Variants in RGS3 observed in about 807,000 individuals in gnomAD.
The protein encoded by RGS3 is regulator of G protein signaling 3.
A neutral mutation model predicts 132.6 loss-of-function variants in RGS3; 80 were observed. That is an observed-to-expected ratio of 0.60 (90% CI 0.50 to 0.73). The LOEUF is 0.73. Among genes scored for constraint, RGS3 ranks in the 30% least tolerant of loss-of-function variants. The pLI, the probability that RGS3 is intolerant of heterozygous loss-of-function variation, is 0.00. For synonymous variants in RGS3, 598 were observed against 620.6 expected (o/e 0.96, Z 0.54); for missense variants, 1,382 against 1,530.8 (o/e 0.90, Z 1.62).
At chr9:113,538,500 G>A (rs1001699225) in intron 19 of RGS3, among the ~76,000 whole-genome samples, 2 of 152,156 alleles carry the variant, frequency 1.3e-5, no homozygotes, top group African/African-American at 4.8e-5. Flanking sequence ...CTCAGAGTTT[G>A]CTGACTCTGG....
intron 7 of RGS3, among the ~76,000 whole-genome samples, chr9:113,487,313 T>A (rs949872837): frequency 1.1e-4 from 16 of 151,092 alleles, no homozygotes; most frequent in Non-Finnish European, 3.0e-5. Flanking sequence ...GGGTTTCACC[T>A]TGTTAGCCAG....
rs1283480337 is a variant in RGS3, at chr9:113,507,556, A to G, written c.1355A>G (p.His452Arg). The change falls in exon 13 of 25, where the codon CAC becomes CGC. Residue 452 changes from histidine to arginine, a missense_variant. His to Arg is a conservative substitution (Grantham distance 29). Transcript: ENST00000350696. This position sits in a 1 kb window ranked among gnomAD's most constrained non-coding sequence, Gnocchi z 5.0. ...GAGGTGGCCAAGCGCGGGGGCCAGCACACCCTGCCTGCACTGTCCCGTGCC... is the reference window on the plus strand; with the variant it reads ...GAGGTGGCCAAGCGCGGGGGCCAGCGCACCCTGCCTGCACTGTCCCGTGCC... 1.7e-5 allele frequency: 27 copies of G among 1,584,682 alleles called. 1 individual carries two copies. The highest frequency in any genetic ancestry group is 2.3e-5 in the Non-Finnish European group (27 of 1,164,838).
chr9:113,512,142 A>G (rs1831431134), intron 14 of RGS3, among the ~76,000 whole-genome samples: 1 of 152,278 alleles, frequency 6.6e-6, no homozygotes, highest in South Asian at 2.1e-4. Flanking sequence ...GAAGGAAGGA[A>G]GCTGTTCAGG....
In RGS3 at chr9:113,463,675, C is replaced by T; in HGVS notation, c.415+1474C>T. 1.2e-5 allele frequency: 17 copies of T among 1,400,718 alleles called. No homozygotes were observed. The South Asian group carries it at 2.5e-4, about 21-fold the overall frequency. 86.8% of individuals were successfully genotyped at this position (1,400,718 alleles called of 1,614,324 possible). On this transcript the variant is annotated intron_variant, in intron 3 of 24. Transcript: ENST00000350696. This position sits in a 1 kb window ranked among gnomAD's most constrained non-coding sequence, Gnocchi z 4.6. ...CCAATCAGGGCCGGGCGCGCCCTGG[C>T]CGTTCCAACGCTTGGGGCAGCCCTA...
chr9:113,565,499 G>T lies in RGS3; in HGVS notation c.2038-17951G>T, dbSNP rs1200320839. ...GTGGGAGGTGGAACCTGGTCATTTG[G>T]TTCTGCTTTTCCTAGCAGGTATCGC... On this transcript the variant is annotated intron_variant, in intron 19 of 24. Transcript: ENST00000350696. The surrounding 1 kb of genome is among the most constrained non-coding windows in gnomAD (Gnocchi z 5.7). 5.6e-6 allele frequency: 4 copies of T among 717,930 alleles called. No homozygotes were observed. Among genetic ancestry groups the T allele is most frequent in the African/African-American group, 1.9e-5 (1 of 53,808 alleles). 44.5% of individuals were successfully genotyped at this position (717,930 alleles called of 1,614,324 possible).
chr9:113,594,639 C>A, intron 22 of RGS3, 108 bp downstream of exon 20: 1 of 931,862 alleles, frequency 1.1e-6, no homozygotes, highest in Non-Finnish European at 1.6e-6. Flanking sequence ...CTTGATCCAG[C>A]TCTGGGGGAG....
At chr9:113,533,741 G>A (rs1832566914) in intron 18 of RGS3, among the ~76,000 whole-genome samples, 2 of 152,302 alleles carry the variant, frequency 1.3e-5, no homozygotes, top group South Asian at 4.1e-4. Context: ...AAGCTGGAAG[G>A]GACCACAGTT....
At chr9:113,483,245 T>C (rs1830222682) in intron 5 of RGS3, 128 bp downstream of exon 3, 1 of 687,612 alleles carries the variant, frequency 1.5e-6, no homozygotes, top group Non-Finnish European at 2.6e-6. Context: ...TCACTCATCT[T>C]CTCAATAGGC....
chr9:113,450,996 G>A (rs1335885725), intron 1 of RGS3, among the ~76,000 whole-genome samples: 1 of 151,404 alleles, frequency 6.6e-6, no homozygotes, highest in Non-Finnish European at 1.5e-5. Flanking sequence ...TGGCCAATAT[G>A]GTGAAACCCC....
At chr9:113,589,373 GCTGGGGTTTCCCCAGC>G (rs1302719812) in intron 20 of RGS3, among the ~76,000 whole-genome samples, 1 of 152,066 alleles carries the variant, frequency 6.6e-6, no homozygotes, top group Non-Finnish European at 1.5e-5. Flanking sequence ...TCTTTTTGGT[GCTGGGGTTTCCCCAGC>G]AGCCCAGGGG....
At chr9:113,518,578 T>G (rs992829803) in intron 16 of RGS3, among the ~76,000 whole-genome samples, 8 of 152,176 alleles carry the variant, frequency 5.3e-5, no homozygotes, top group African/African-American at 1.9e-4. Context: ...GGAGGTTGGT[T>G]TGTTTTTTAA....
intron 19 of RGS3, among the ~76,000 whole-genome samples, chr9:113,544,232 G>T (rs1308671146): frequency 6.6e-6 from 1 of 151,838 alleles, no homozygotes; most frequent in African/African-American, 2.4e-5. Flanking sequence ...GACCATCTGT[G>T]CAACTTGAAT....
chr9:113,469,322 C>A (rs774830937), intron 3 of RGS3, among the ~76,000 whole-genome samples: 22 of 152,014 alleles, frequency 1.4e-4, no homozygotes, highest in Non-Finnish European at 2.6e-4. Context: ...TGGGAGATTC[C>A]CTGGCATGGT....
At position 113,565,040 on chromosome 9, in the gene RGS3, A is replaced by G; in HGVS notation, c.2038-18410A>G. On this transcript the variant is annotated intron_variant, in intron 19 of 24. Coordinates refer to ENST00000350696, the Ensembl canonical transcript of RGS3. This position sits in a 1 kb window ranked among gnomAD's most constrained non-coding sequence, Gnocchi z 5.7. ...AGCCCTCAGGATGTGTGTGGGGTGG[A>G]GCCTGCTAGGGATCCCAGTGCCAGG... 3.6e-6 allele frequency: 4 copies of G among 1,118,978 alleles called. No individual in the cohort carries two copies. Among genetic ancestry groups the G allele is most frequent in the Middle Eastern group, 4.2e-4 (1 of 2,372 alleles). The allele number at this position is 1,118,978 out of a possible 1,614,324, so 69.3% of individuals were successfully genotyped here.
chr9:113,595,090 C>A, intron 23 of RGS3, 110 bp downstream of exon 21: 3 of 1,030,580 alleles, frequency 2.9e-6, no homozygotes, highest in Non-Finnish European at 4.4e-6. Context: ...CTCTCCTCGG[C>A]CGTCAGGGTG....
intron 7 of RGS3, among the ~76,000 whole-genome samples, chr9:113,490,852 CCT>C (rs1479477470): frequency 8.3e-6 from 1 of 120,208 alleles, no homozygotes; most frequent in Non-Finnish European, 1.7e-5. Flanking sequence ...TTATATATAA[CCT>C]AATTATAATT....
chr9:113,493,961 A>T (rs1185798676), intron 7 of RGS3, among the ~76,000 whole-genome samples: 1 of 152,174 alleles, frequency 6.6e-6, no homozygotes, highest in Non-Finnish European at 1.5e-5. Context: ...TGTGCCTTCC[A>T]TAGGACATGC....
chr9:113,513,136 T>C (rs1177446693), intron 14 of RGS3, among the ~76,000 whole-genome samples: 3 of 152,142 alleles, frequency 2.0e-5, no homozygotes, highest in Admixed American at 1.3e-4. Flanking sequence ...GTGGGGGTTG[T>C]GGTGAGCCGA....
At chr9:113,501,340 A>G in intron 10 of RGS3, 1 of 1,197,572 alleles carries the variant, frequency 8.4e-7, no homozygotes, top group Non-Finnish European at 1.1e-6. Flanking sequence ...AGGAATTTTA[A>G]TATAAAACTC....
Sources: gnomAD v4.1 joint callset for allele counts (sites outside exome capture counted in the v4.1 genomes callset) on GRCh38, gnomAD v4.1.1 for gene constraint, Gnocchi (gnomAD v3.1) non-coding constraint, MANE v1.5 for transcripts, NCBI Gene and HGNC (gene_info 2026-07-23, HGNC 2026-07-21) for gene names.